The following PTPRD variants were observed in gnomAD, a reference collection of about 807,000 sequenced individuals.
PTPRD encodes protein tyrosine phosphatase receptor type D.
PTPRD carries 34 observed loss-of-function variants against 214.5 expected under a neutral mutation model. That is an observed-to-expected ratio of 0.16 (90% confidence interval 0.12 to 0.21). The LOEUF is 0.21. PTPRD is among the 10% of genes least tolerant of loss of function. The pLI, the probability that PTPRD is intolerant of heterozygous loss-of-function variation, is 1.00. For synonymous variants in PTPRD, 1,128 were observed against 845.7 expected (o/e 1.33, Z -5.79); for missense variants, 2,545 against 2,398.7 (o/e 1.06, Z -1.27).
At chr9:10,344,709 A>C (rs1410713797) in intron 2 of PTPRD, among the ~76,000 whole-genome samples, 8 of 152,028 alleles carry the variant, frequency 5.3e-5, no homozygotes, top group Admixed American at 5.2e-4. Context: ...TATTTCATTG[A>C]GCAGTGGTTT....
intron 11 of PTPRD, among the ~76,000 whole-genome samples, chr9:8,833,711 T>TACACAC (rs1234155614): frequency 0.015 from 2,019 of 137,508 alleles, 51 homozygotes; most frequent in African/African-American, 0.05. Flanking sequence ...TATATATATA[T>TACACAC]ATATACACAC....
At chr9:8,931,954 G>T (rs1301640220) in intron 11 of PTPRD, among the ~76,000 whole-genome samples, 1 of 152,096 alleles carries the variant, frequency 6.6e-6, no homozygotes, top group Non-Finnish European at 1.5e-5. Context: ...TTGCATAGAG[G>T]TATTTATAGT....
At chr9:9,888,738 G>T (rs1369034395) in intron 5 of PTPRD, among the ~76,000 whole-genome samples, 1 of 152,064 alleles carries the variant, frequency 6.6e-6, no homozygotes, top group Non-Finnish European at 1.5e-5. Context: ...AGCCAAATAG[G>T]CCTCTTTTCT....
chr9:10,225,228 T>C (rs533937166), intron 3 of PTPRD, among the ~76,000 whole-genome samples: 85 of 152,020 alleles, frequency 5.6e-4, no homozygotes, highest in Non-Finnish European at 1.1e-3. Context: ...AGATATTTTA[T>C]TTTAAAAAAT....
At chr9:8,337,726 T>G (rs931357147) in intron 43 of PTPRD, among the ~76,000 whole-genome samples, 3 of 152,040 alleles carry the variant, frequency 2.0e-5, no homozygotes, top group Non-Finnish European at 4.4e-5. Flanking sequence ...CAGATTTAAG[T>G]TGTGCATGTG....
chr9:8,678,381 A>G (rs571619168), intron 12 of PTPRD, among the ~76,000 whole-genome samples: 1 of 152,130 alleles, frequency 6.6e-6, no homozygotes, highest in African/African-American at 2.4e-5. Flanking sequence ...CTTCTGTTAC[A>G]TGGTTTGCTC....
intron 3 of PTPRD, among the ~76,000 whole-genome samples, chr9:10,056,788 T>A (rs2097659057): frequency 6.6e-6 from 1 of 152,140 alleles, no homozygotes; most frequent in African/African-American, 2.4e-5. Context: ...ATCATGGGAA[T>A]AAATTAAGCT....
intron 5 of PTPRD, among the ~76,000 whole-genome samples, chr9:9,788,076 G>C (rs2098938995): frequency 6.6e-6 from 1 of 151,374 alleles, no homozygotes; most frequent in African/African-American, 2.4e-5. Context: ...GAGCCATCGC[G>C]CCCAGCCTGT....
rs923845848 is a variant in PTPRD, at chr9:10,289,321, C to G, written c.-545+51642G>C. On this transcript the variant is annotated intron_variant, in intron 3 of 45. Coordinates refer to ENST00000381196, the MANE Select transcript of PTPRD (RefSeq NM_002839.4). ...GGCAGCAACTTTTACACTTTTGTTT[C>G]TTATGTGTTTTTCAGTGAACATCTA... Among the ~76,000 whole-genome samples, 14 of 152,200 alleles carry G rather than the reference C, an allele frequency of 9.2e-5. No individual in the cohort carries two copies. In the South Asian group the frequency reaches 2.7e-3, roughly 29 times the overall value.
chr9:10,277,481 T>G lies in PTPRD; in HGVS notation c.-545+63482A>C, dbSNP rs72698930. ...ATTTCTTTGCTTCTCTATGTACAAG[T>G]TTCCTCATTTGTAGATGGGAATAAT... On this transcript the variant is annotated intron_variant, in intron 3 of 45. Coordinates refer to ENST00000381196, the MANE Select transcript of PTPRD (RefSeq NM_002839.4). Among the ~76,000 whole-genome samples, 816 of 152,358 alleles carry G rather than the reference T, an allele frequency of 5.4e-3. 3 individuals are homozygous for G. Among genetic ancestry groups the G allele is most frequent in the Non-Finnish European group, 9.7e-3 (661 of 68,038 alleles).
intron 11 of PTPRD, among the ~76,000 whole-genome samples, chr9:9,018,397 G>C (rs183056237): frequency 1.3e-5 from 2 of 152,060 alleles, no homozygotes; most frequent in African/African-American, 4.8e-5. Flanking sequence ...CTATAGATGT[G>C]TATTTGCTCT....
At chr9:9,410,955 G>A (rs1411718362) in intron 8 of PTPRD, among the ~76,000 whole-genome samples, 1 of 152,230 alleles carries the variant, frequency 6.6e-6, no homozygotes, top group South Asian at 2.1e-4. Context: ...TAGAATAAGT[G>A]TGGGCGCGTG....
chr9:8,485,340 A>G lies in PTPRD; in HGVS notation c.3056-16T>C. Reference sequence around the variant, plus strand: ...TTTGCAAACACTGCTGGAAAAGGAAAAACAGTGTATTTAAACTATTCTTAA... The same window carrying G: ...TTTGCAAACACTGCTGGAAAAGGAAGAACAGTGTATTTAAACTATTCTTAA... On this transcript the variant is annotated splice_polypyrimidine_tract_variant and intron_variant, in intron 28 of 45. Transcript: ENST00000381196. 6.3e-7 allele frequency: 1 copy of G among 1,581,298 alleles called. No homozygotes were observed.
At chr9:9,880,345 A>C (rs2068263962) in intron 5 of PTPRD, among the ~76,000 whole-genome samples, 1 of 152,188 alleles carries the variant, frequency 6.6e-6, no homozygotes, top group African/African-American at 2.4e-5. Flanking sequence ...GAATGGACTA[A>C]AACAAGATGC....
intron 7 of PTPRD, among the ~76,000 whole-genome samples, chr9:9,710,084 C>T (rs2097697471): frequency 6.6e-6 from 1 of 151,544 alleles, no homozygotes. Context: ...CCATTCTTAC[C>T]ATGAATGCCA....
intron 9 of PTPRD, among the ~76,000 whole-genome samples, chr9:9,362,853 C>A (rs1001478392): frequency 2.0e-5 from 3 of 151,242 alleles, no homozygotes; most frequent in African/African-American, 7.3e-5. Flanking sequence ...ATGGAGAATT[C>A]ACTTTTAAAA....
chr9:9,947,634 T>TA (rs1405224182), intron 4 of PTPRD, among the ~76,000 whole-genome samples: 1 of 70,680 alleles, frequency 1.4e-5, no homozygotes, highest in Non-Finnish European at 2.5e-5. Context: ...TAAATATATA[T>TA]TTTATATATA....
At chr9:9,620,866 GAAAAA>G (rs5896343) in intron 7 of PTPRD, among the ~76,000 whole-genome samples, 1 of 139,396 alleles carries the variant, frequency 7.2e-6, no homozygotes, top group Non-Finnish European at 1.6e-5. Flanking sequence ...AAAGAGAGGA[GAAAAA>G]AAAAAAAAAG....
At position 8,316,860 on chromosome 9, in the gene PTPRD, T is replaced by C. The variant is rs1822184372; in HGVS notation, c.*1014A>G. On this transcript the variant is annotated 3_prime_UTR_variant, in exon 46 of 46. Coordinates refer to ENST00000381196, the MANE Select transcript of PTPRD (RefSeq NM_002839.4). Reference sequence around the variant, plus strand: ...TGGAAAGAGATGTTTACAATAGCTTTTCTACGTTTAAAAAAACTAAATCAT... The same window carrying C: ...TGGAAAGAGATGTTTACAATAGCTTCTCTACGTTTAAAAAAACTAAATCAT... 1 of 230,710 alleles carries C rather than the reference T, an allele frequency of 4.3e-6. No individual in the cohort carries two copies. The highest frequency in any genetic ancestry group is 1.8e-4 in the South Asian group (1 of 5,506). 14.3% of individuals were successfully genotyped at this position (230,710 alleles called of 1,614,324 possible). A position where few individuals can be genotyped will look rare whatever the true frequency, so the allele number is the denominator to read the frequency against.
Sources: gnomAD v4.1 joint callset for allele counts (sites outside exome capture counted in the v4.1 genomes callset) on GRCh38, gnomAD v4.1.1 for gene constraint, MANE v1.5 for transcripts, NCBI Gene and HGNC (gene_info 2026-07-23, HGNC 2026-07-21) for gene names.